Variants in BAZ2B observed in about 807,000 individuals in gnomAD.
BAZ2B encodes the protein bromodomain adjacent to zinc finger domain 2B.
BAZ2B carries 91 observed loss-of-function variants against 246.0 expected under a neutral mutation model. The observed-to-expected ratio is 0.37, with a 90% CI of 0.31 to 0.44. BAZ2B has a LOEUF of 0.44. Ranked by LOEUF, BAZ2B falls within the 20% of genes least tolerant of loss-of-function variation. The pLI, the probability that BAZ2B is intolerant of heterozygous loss-of-function variation, is 1.00. For synonymous variants in BAZ2B, 855 were observed against 860.0 expected (o/e 0.99, Z 0.10); for missense variants, 2,332 against 2,533.7 (o/e 0.92, Z 1.71).
In BAZ2B at chr2:159,350,205, T is replaced by C; in HGVS notation, c.4366A>G (p.Thr1456Ala). Residue 1456 changes from threonine (T) to alanine (A), a missense_variant, in exon 28 of 37, where the codon ACA becomes GCA. Coordinates refer to ENST00000392783, the MANE Select transcript of BAZ2B (RefSeq NM_013450.4). Reference protein sequence around the residue: ...QKEDLKEKDNTNLFLQKPGSF... With the variant: ...QKEDLKEKDNANLFLQKPGSF... The stretch of plus-strand genomic sequence containing the variant: ...CCAGGTTTCTGAAGGAATAGATTTG[T>C]GTTATCTTTTTCTTTAAGATCTTCC... 1 of 1,614,032 alleles carries C rather than the reference T, an allele frequency of 6.2e-7. No individual in the cohort carries two copies. The highest frequency in any genetic ancestry group is 8.5e-7 in the Non-Finnish European group (1 of 1,179,976).
chr2:159,385,416 A>G, intron 22 of BAZ2B, 47 bp from the exon 23 acceptor site: 2 of 1,490,788 alleles, frequency 1.3e-6, no homozygotes, highest in Non-Finnish European at 9.3e-7. Context: ...AACCATTTAT[A>G]CCATAAAAAC....
At chr2:159,452,722 T>A (rs1177791984) in intron 4 of BAZ2B, among the ~76,000 whole-genome samples, 3 of 152,264 alleles carry the variant, frequency 2.0e-5, no homozygotes, top group Non-Finnish European at 4.4e-5. Context: ...ACTGAACTAC[T>A]AAATCCTCAT....
rs373780987 is a variant in BAZ2B, at chr2:159,432,803, T to A, written c.1854A>T (p.Glu618Asp). The part of the protein sequence containing the change: ...NEDEEEDDEE[E>D]DEEDDEDDES... ...CATCATCTTCATCATCTTCCTCATC[T>A]TCTTCTTCATCATCTTCCTCTTCAT... The change falls in exon 9 of 37, where the codon GAA becomes GAT. Residue 618 changes from glutamate (E) to aspartate (D), a missense_variant. Physicochemically the swap from Glu to Asp is conservative, Grantham distance 45. This residue lies in a region of BAZ2B where 651 missense variants were observed against 650.9 expected (regional missense o/e 1.00). Transcript: ENST00000392783. The A allele has an allele frequency of 3.1e-6, 5 of 1,613,588 alleles. No individual in the cohort carries two copies. The highest frequency in any genetic ancestry group is 3.3e-5 in the Admixed American group (2 of 59,992).
At chr2:159,656,620 T>C in the BAZ2B span, among the ~76,000 whole-genome samples, 2 of 150,662 alleles carry the variant, frequency 1.3e-5, no homozygotes, top group Non-Finnish European at 3.0e-5. Context: ...ATTCTTTCAC[T>C]TGGCAATACG....
chr2:159,663,624 A>G, the BAZ2B span, among the ~76,000 whole-genome samples: 1 of 151,096 alleles, frequency 6.6e-6, no homozygotes. Flanking sequence ...GGTTCAAGCG[A>G]TTCTCCTGCC....
chr2:159,467,599 T>C (rs1330765418), intron 3 of BAZ2B, among the ~76,000 whole-genome samples: 1 of 152,228 alleles, frequency 6.6e-6, no homozygotes, highest in Non-Finnish European at 1.5e-5. Flanking sequence ...TTGGATTGGC[T>C]AGGCTGGGTC....
chr2:159,667,763 T>C, the BAZ2B span, among the ~76,000 whole-genome samples: 1 of 152,104 alleles, frequency 6.6e-6, no homozygotes, highest in Non-Finnish European at 1.5e-5. Flanking sequence ...CACGGGCTTT[T>C]CATTTTGCCA....
rs184810446 is a variant in BAZ2B at position 159,327,792 on chromosome 2, G to A, written c.5944-1874C>T. Among the ~76,000 whole-genome samples, 561 of 152,242 alleles carry A rather than the reference G, an allele frequency of 3.7e-3. 3 individuals are homozygous for A. Among genetic ancestry groups the A allele is most frequent in the African/African-American group, 0.013 (536 of 41,546 alleles). Reference sequence around the variant, plus strand: ...GAAAATATGAAATTGGGCCAGGCGCGGTAACTCACGCCTGTAATCCCAGCG... The same window carrying A: ...GAAAATATGAAATTGGGCCAGGCGCAGTAACTCACGCCTGTAATCCCAGCG... On this transcript the variant is annotated intron_variant, in intron 34 of 36. Coordinates refer to ENST00000392783, the MANE Select transcript of BAZ2B (RefSeq NM_013450.4).
intron 2 of BAZ2B, among the ~76,000 whole-genome samples, chr2:159,552,932 C>G (rs1481750499): frequency 6.6e-6 from 1 of 151,954 alleles, no homozygotes; most frequent in African/African-American, 2.4e-5. Context: ...ATTAGAGAGA[C>G]AGTTTGATTT....
intron 27 of BAZ2B, among the ~76,000 whole-genome samples, chr2:159,354,112 T>A (rs1559078958): frequency 6.6e-6 from 1 of 152,206 alleles, no homozygotes; most frequent in Non-Finnish European, 1.5e-5. Context: ...TAACTTTAGA[T>A]AATGTATTAG....
chr2:159,565,270 A>G (rs1240654626), intron 1 of BAZ2B, among the ~76,000 whole-genome samples: 1 of 152,220 alleles, frequency 6.6e-6, no homozygotes, highest in African/African-American at 2.4e-5. Flanking sequence ...TGAGATGAGG[A>G]TATGAAAGCA....
Position 159,534,870 on chromosome 2 carries a change from G to A in BAZ2B, c.-3+20953C>T, listed in dbSNP as rs542432087. Among the ~76,000 whole-genome samples the A allele has an allele frequency of 1.1e-3, 163 of 152,224 alleles. 2 individuals carry two copies. The highest frequency in any genetic ancestry group is 1.8e-3 in the Non-Finnish European group (124 of 67,994). ...GATCCACCTGCCTCGGCCTCCCAAA[G>A]TGCTGGGCTTACAGGTGTGAGCCAC... On this transcript the variant is annotated intron_variant, in intron 2 of 36. Transcript: ENST00000392783.
intron 2 of BAZ2B, among the ~76,000 whole-genome samples, chr2:159,555,204 G>A (rs937311118): frequency 4.0e-5 from 6 of 150,966 alleles, no homozygotes; most frequent in African/African-American, 1.5e-4. Context: ...TGATTCTCCT[G>A]CTTCAGCCTC....
chr2:159,392,170 A>G (rs1410008618), intron 20 of BAZ2B: 1 of 152,160 alleles, frequency 6.6e-6, no homozygotes, highest in Admixed American at 6.6e-5. Flanking sequence ...TGGATGATTA[A>G]TGACGATGAA....
chr2:159,402,999 G>A (rs959441039), intron 16 of BAZ2B, among the ~76,000 whole-genome samples: 1 of 152,142 alleles, frequency 6.6e-6, no homozygotes, highest in Admixed American at 6.5e-5. Context: ...CCAATACTTA[G>A]TAAATATAGA....
At chr2:159,551,936 T>C (rs570711500) in intron 2 of BAZ2B, among the ~76,000 whole-genome samples, 25 of 152,306 alleles carry the variant, frequency 1.6e-4, no homozygotes, top group African/African-American at 5.8e-4. Context: ...ATATTATCCC[T>C]ACTCTAGAAA....
intron 3 of BAZ2B, among the ~76,000 whole-genome samples, chr2:159,470,740 T>C (rs1299565492): frequency 6.6e-6 from 1 of 152,230 alleles, no homozygotes; most frequent in Non-Finnish European, 1.5e-5. Flanking sequence ...ACTATATTTA[T>C]GGCTTAAGCT....
the BAZ2B span, among the ~76,000 whole-genome samples, chr2:159,630,537 T>C: frequency 5.5e-4 from 56 of 101,040 alleles, no homozygotes; most frequent in African/African-American, 1.4e-3. Context: ...TATTCTTCTC[T>C]CTTTTTTTTT....
the BAZ2B span, among the ~76,000 whole-genome samples, chr2:159,684,296 G>A: frequency 0.067 from 10,203 of 152,268 alleles, 439 homozygotes; most frequent in Middle Eastern, 0.18. Context: ...CTTTTTGTAT[G>A]AACATAAAAT....
Sources: gnomAD v4.1 joint callset for allele counts (sites outside exome capture counted in the v4.1 genomes callset) on GRCh38, gnomAD v4.1.1 for gene constraint, gnomAD v4.1.1 regional missense constraint, MANE v1.5 for transcripts, NCBI Gene and HGNC (gene_info 2026-07-23, HGNC 2026-07-21) for gene names.